Variants in KCNQ3 observed in about 807,000 individuals in gnomAD.
The protein encoded by KCNQ3 is potassium voltage-gated channel subfamily KQT member 3.
Under a neutral mutation model 92.5 loss-of-function variants are expected in KCNQ3, and 30 were observed. The ratio of observed to expected loss-of-function variants is 0.32; its 90% CI spans 0.24 to 0.44. KCNQ3 has a LOEUF of 0.44. Ranked by LOEUF, KCNQ3 falls within the 20% of genes least tolerant of loss-of-function variation. The pLI is 1.00. For missense variants in KCNQ3, 913 were observed against 1,140.3 expected, an observed-to-expected ratio of 0.80 and a Z score of 2.87; for synonymous variants, 450 against 468.8, an observed-to-expected ratio of 0.96 and a Z score of 0.52.
intron 1 of KCNQ3, among the ~76,000 whole-genome samples, chr8:132,377,201 G>A (rs1819634371): frequency 1.3e-5 from 2 of 152,076 alleles, no homozygotes; most frequent in African/African-American, 4.8e-5. Flanking sequence ...GCAGAGGAAG[G>A]GCAAATTTGC....
intron 1 of KCNQ3, among the ~76,000 whole-genome samples, chr8:132,419,623 C>T (rs755405348): frequency 2.6e-5 from 4 of 152,194 alleles, no homozygotes; most frequent in Non-Finnish European, 5.9e-5. Context: ...AGAGAGTGCT[C>T]TCTGTAGATC....
chr8:132,317,742 G>A (rs1455805007), intron 1 of KCNQ3, among the ~76,000 whole-genome samples: 2 of 152,148 alleles, frequency 1.3e-5, no homozygotes, highest in Non-Finnish European at 2.9e-5. Context: ...GGTGACCCCC[G>A]TGAAGTGCTT....
intron 1 of KCNQ3, among the ~76,000 whole-genome samples, chr8:132,226,451 G>A (rs928859632): frequency 2.6e-5 from 4 of 152,054 alleles, no homozygotes; most frequent in African/African-American, 4.8e-5. Context: ...GTGGAGGCAG[G>A]TAAAGGGATT....
intron 9 of KCNQ3, among the ~76,000 whole-genome samples, chr8:132,159,207 A>G (rs1257351773): frequency 6.6e-6 from 1 of 152,190 alleles, no homozygotes; most frequent in East Asian, 1.9e-4. Context: ...CTTTAATGCA[A>G]TATTATTATT....
intron 1 of KCNQ3, among the ~76,000 whole-genome samples, chr8:132,333,953 G>A (rs1021059777): frequency 2.6e-5 from 4 of 151,662 alleles, no homozygotes; most frequent in African/African-American, 7.3e-5. Context: ...GGCTCGTCTC[G>A]AACTCTTGAC....
chr8:132,291,267 A>T (rs1217242354), intron 1 of KCNQ3, among the ~76,000 whole-genome samples: 1 of 152,144 alleles, frequency 6.6e-6, no homozygotes, highest in Non-Finnish European at 1.5e-5. Flanking sequence ...CATTTTAAAC[A>T]CCAATTGACT....
chr8:132,272,752 C>T (rs1185138963), intron 1 of KCNQ3, among the ~76,000 whole-genome samples: 1 of 152,160 alleles, frequency 6.6e-6, no homozygotes, highest in Non-Finnish European at 1.5e-5. Context: ...TTACCTTCCA[C>T]TGGGTCCCTC....
At chr8:132,311,125 T>C (rs761694447) in intron 1 of KCNQ3, among the ~76,000 whole-genome samples, 1 of 152,060 alleles carries the variant, frequency 6.6e-6, no homozygotes, top group Non-Finnish European at 1.5e-5. Flanking sequence ...AGACGGAGTT[T>C]TACCACGTTG....
intron 5 of KCNQ3, 59 bp downstream of exon 5, chr8:132,175,394 C>A: frequency 6.3e-7 from 1 of 1,586,034 alleles, no homozygotes; most frequent in Non-Finnish European, 8.7e-7. Context: ...ATGCCCTCCA[C>A]CTCTCTCTGA....
At chr8:132,221,815 A>C (rs1035195384) in intron 1 of KCNQ3, among the ~76,000 whole-genome samples, 2 of 152,116 alleles carry the variant, frequency 1.3e-5, no homozygotes, top group African/African-American at 4.8e-5. Context: ...AGAAATGGGG[A>C]AAGGATCCCC....
chr8:132,247,396 T>A (rs1363719335), intron 1 of KCNQ3, among the ~76,000 whole-genome samples: 5 of 152,164 alleles, frequency 3.3e-5, no homozygotes, highest in Non-Finnish European at 5.9e-5. Flanking sequence ...CCTGATTGAA[T>A]CTCTCTACAC....
At chr8:132,217,675 C>T (rs533073760) in intron 1 of KCNQ3, among the ~76,000 whole-genome samples, 27 of 145,626 alleles carry the variant, frequency 1.9e-4, no homozygotes, top group Middle Eastern at 7.0e-3. Context: ...TGTGCCACTG[C>T]ACTCCAGCCT....
intron 1 of KCNQ3, among the ~76,000 whole-genome samples, chr8:132,426,203 G>A (rs1260837127): frequency 2.0e-5 from 3 of 152,216 alleles, no homozygotes; most frequent in African/African-American, 7.2e-5. Flanking sequence ...ATGGCGGGCT[G>A]CCTTGACATC....
At chr8:132,199,553 T>C (rs1302972662) in intron 1 of KCNQ3, among the ~76,000 whole-genome samples, 1 of 152,234 alleles carries the variant, frequency 6.6e-6, no homozygotes, top group Non-Finnish European at 1.5e-5. Flanking sequence ...AACTGTGGAA[T>C]AAAAGGTTTC....
intron 9 of KCNQ3, among the ~76,000 whole-genome samples, chr8:132,150,631 T>A (rs1825606251): frequency 6.6e-6 from 1 of 152,192 alleles, no homozygotes; most frequent in South Asian, 2.1e-4. Context: ...AAAAGGTTTT[T>A]TTTTGGTTGA....
intron 8 of KCNQ3, among the ~76,000 whole-genome samples, chr8:132,169,654 C>T (rs965433450): frequency 6.6e-6 from 1 of 152,152 alleles, no homozygotes; most frequent in African/African-American, 2.4e-5. Context: ...CCCACTTCCT[C>T]AACCCACTGA....
intron 1 of KCNQ3, among the ~76,000 whole-genome samples, chr8:132,408,946 G>A (rs1179485167): frequency 6.6e-6 from 1 of 152,192 alleles, no homozygotes; most frequent in Non-Finnish European, 1.5e-5. Flanking sequence ...CTTGACTTCT[G>A]CCACATGAGA....
chr8:132,154,150 G>A (rs999674860), intron 9 of KCNQ3, among the ~76,000 whole-genome samples: 13 of 148,352 alleles, frequency 8.8e-5, no homozygotes, highest in South Asian at 2.2e-4. Flanking sequence ...TAGGCTCAGC[G>A]GAAGGGAACC....
intron 1 of KCNQ3, among the ~76,000 whole-genome samples, chr8:132,376,004 A>G (rs1006572794): frequency 2.0e-5 from 3 of 152,178 alleles, no homozygotes; most frequent in African/African-American, 7.2e-5. Flanking sequence ...CTTATTCACT[A>G]TGATGAGTTA....
Sources: allele counts gnomAD v4.1 joint callset (sites outside exome capture counted in the v4.1 genomes callset), GRCh38; gene constraint gnomAD v4.1.1; transcripts MANE v1.5; gene names NCBI Gene and HGNC (gene_info 2026-07-23, HGNC 2026-07-21).